TKTL1: variants seen among roughly 807,000 people sequenced by gnomAD.
TKTL1 encodes the protein transketolase like 1.
TKTL1 carries 1 observed loss-of-function variant against 39.3 expected under a neutral mutation model. The observed-to-expected ratio is 0.03, with a 90% CI of 0.01 to 0.12. The LOEUF (loss-of-function observed/expected upper bound fraction) is 0.12, where lower values mean the gene tolerates loss of function less well. Ranked by LOEUF, TKTL1 falls within the 10% of genes least tolerant of loss-of-function variation. TKTL1 has a pLI of 1.00. For synonymous variants in TKTL1, 262 were observed against 193.8 expected (o/e 1.35, Z -2.92); for missense variants, 575 against 509.6 (o/e 1.13, Z -1.24).
chrX:154,323,804 G>A (rs1557171401), intron 9 of TKTL1, among the ~76,000 whole-genome samples: 1 of 112,519 alleles, frequency 8.9e-6, no homozygotes, highest in East Asian at 2.8e-4. Flanking sequence ...CCCTGGCCCT[G>A]GCTTGCCTTT....
intron 1 of TKTL1, among the ~76,000 whole-genome samples, chrX:154,303,133 T>G (rs1224051389): frequency 1.8e-5 from 2 of 110,845 alleles, no homozygotes; most frequent in African/African-American, 6.6e-5. Flanking sequence ...CTACCTTGCC[T>G]TCTACTTATT....
intron 1 of TKTL1, among the ~76,000 whole-genome samples, chrX:154,303,344 C>T (rs1422911283): frequency 2.1e-5 from 2 of 95,580 alleles, no homozygotes; most frequent in East Asian, 6.4e-4. Context: ...TCCCAAGTAG[C>T]TTGAACTGCA....
intron 5 of TKTL1, 68 bp downstream of exon 5, chrX:154,311,306 A>G: frequency 8.5e-7 from 1 of 1,179,396 alleles, no homozygotes; most frequent in East Asian, 3.0e-5. Context: ...CAGAGGCGGG[A>G]GAGGCTTAGA....
chrX:154,326,933 C>A (rs1212244547), intron 10 of TKTL1, among the ~76,000 whole-genome samples: 1 of 111,972 alleles, frequency 8.9e-6, no homozygotes, highest in African/African-American at 3.3e-5. Flanking sequence ...GCTCAGAAAC[C>A]CTTTCTGTAC....
At chrX:154,298,432 C>G (rs1354786016) in intron 1 of TKTL1, among the ~76,000 whole-genome samples, 5 of 112,086 alleles carry the variant, frequency 4.5e-5, no homozygotes, top group African/African-American at 1.6e-4. Context: ...CCAGCTTTGG[C>G]TAGGGGAGGT....
chrX:154,301,851 C>A (rs782614236), intron 1 of TKTL1, among the ~76,000 whole-genome samples: 26 of 108,469 alleles, frequency 2.4e-4, no homozygotes, highest in Non-Finnish European at 3.8e-4. Flanking sequence ...CCTCGGCCTC[C>A]CAAGATGCTG....
In TKTL1 at chrX:154,329,521, A is replaced by G. The variant is rs1557172718; in HGVS notation, c.1624A>G (p.Ile542Val). The G allele has an allele frequency of 8.3e-7, 1 of 1,211,171 alleles. No homozygotes were observed. The highest frequency in any genetic ancestry group is 1.1e-6 in the Non-Finnish European group (1 of 894,881). Residue 542 changes from isoleucine (I) to valine (V), a missense_variant, in exon 13 of 13, where the codon ATC becomes GTC. Physicochemically the swap from Ile to Val is conservative, Grantham distance 29 (BLOSUM62 3). Coordinates refer to ENST00000369915, the MANE Select transcript of TKTL1 (RefSeq NM_012253.4). ...TVEDHYPQGG[I>V]GEAVCAAVSM... Reference sequence around the variant, plus strand: ...TAACATCCTTGTTTCCCCAGGTGGCATCGGGGAAGCTGTCTGCGCAGCCGT... The same window carrying G: ...TAACATCCTTGTTTCCCCAGGTGGCGTCGGGGAAGCTGTCTGCGCAGCCGT...
chrX:154,298,545 C>T (rs1557165171), intron 1 of TKTL1, among the ~76,000 whole-genome samples: 1 of 111,866 alleles, frequency 8.9e-6, no homozygotes, highest in African/African-American at 3.3e-5. Flanking sequence ...AACCCCGTCT[C>T]TGCCAAAAAT....
intron 3 of TKTL1, 101 bp downstream of exon 3, chrX:154,309,543 G>A: frequency 1.4e-6 from 1 of 711,995 alleles, no homozygotes; most frequent in Non-Finnish European, 2.2e-6. Flanking sequence ...GGAGAGCCCT[G>A]AAGGGCCAGT....
At chrX:154,319,307 TC>T (rs1195411806) in intron 7 of TKTL1, among the ~76,000 whole-genome samples, 1 of 112,591 alleles carries the variant, frequency 8.9e-6, no homozygotes, top group Non-Finnish European at 1.9e-5. Context: ...TCACTTTCTC[TC>T]CACCAGCATA....
At chrX:154,328,260 C>T (rs1172146399) in intron 12 of TKTL1, among the ~76,000 whole-genome samples, 1 of 109,983 alleles carries the variant, frequency 9.1e-6, no homozygotes, top group African/African-American at 3.3e-5. Flanking sequence ...TAGTATGCCC[C>T]AGGCCAGGCG....
chrX:154,303,494 G>A (rs61277078), intron 1 of TKTL1, among the ~76,000 whole-genome samples: 3 of 94,394 alleles, frequency 3.2e-5, no homozygotes, highest in Non-Finnish European at 6.1e-5. Flanking sequence ...TCCTCCAGAA[G>A]AGCCGGGATT....
chrX:154,310,765 C>T (rs1270944738), intron 3 of TKTL1, 71 bp from the exon 4 acceptor site: 1 of 969,559 alleles, frequency 1.0e-6, no homozygotes, highest in Non-Finnish European at 1.4e-6. Flanking sequence ...GTTTCTCCTC[C>T]TGAAATGCAT....
intron 9 of TKTL1, 78 bp downstream of exon 9, chrX:154,323,415 T>A: frequency 9.3e-7 from 1 of 1,069,524 alleles, no homozygotes; most frequent in Non-Finnish European, 1.3e-6. Context: ...ATTGGACTTT[T>A]TTTTCTCAAC....
intron 1 of TKTL1, among the ~76,000 whole-genome samples, chrX:154,298,751 A>G (rs782796807): frequency 4.0e-4 from 45 of 111,985 alleles, no homozygotes; most frequent in African/African-American, 1.5e-3. Flanking sequence ...TCTCTGTTTT[A>G]TTTGTGCTTT....
At chrX:154,302,801 A>G (rs781813344) in intron 1 of TKTL1, among the ~76,000 whole-genome samples, 1 of 111,844 alleles carries the variant, frequency 8.9e-6, no homozygotes, top group Admixed American at 9.5e-5. Context: ...AGAGAAAGAA[A>G]AGAGAGATTG....
intron 10 of TKTL1, chrX:154,327,141 C>G (rs1286418032): frequency 1.3e-5 from 3 of 239,790 alleles, no homozygotes; most frequent in Non-Finnish European, 2.3e-5. Context: ...GGTCCCAGCC[C>G]TGCCCTGGGC....
intron 3 of TKTL1, among the ~76,000 whole-genome samples, chrX:154,310,069 T>G (rs1352238940): frequency 5.4e-5 from 6 of 111,209 alleles, no homozygotes; most frequent in African/African-American, 2.0e-4. Context: ...CTCACGTCGT[T>G]GGTTGTGGAG....
chrX:154,312,712 C>A lies in TKTL1; in HGVS notation c.803C>A (p.Pro268His), dbSNP rs781926826. ...CCACAGCCCCCCATTGAGGACTCAC[C>A]TGAAGTCAACATCACAGATGTAAGG... ...LDPQPPIEDS[P>H]EVNITDVRMT... The change falls in exon 6 of 13, where the codon CCT (proline) becomes CAT (histidine). Residue 268 changes from proline to histidine, a missense_variant. Pro to His is a moderately conservative substitution (Grantham distance 77). Transcript: ENST00000369915. 3.3e-6 allele frequency: 4 copies of A among 1,211,517 alleles called. No homozygotes were observed. In the Admixed American group the frequency reaches 6.5e-5, roughly 20 times the overall value.
Sources: gnomAD v4.1 joint callset for allele counts (sites outside exome capture counted in the v4.1 genomes callset) on GRCh38, gnomAD v4.1.1 for gene constraint, MANE v1.5 for transcripts, NCBI Gene and HGNC (gene_info 2026-07-23, HGNC 2026-07-21) for gene names.